Variants in PAK4 observed in about 807,000 individuals in gnomAD.
PAK4 encodes p21 (RAC1) activated kinase 4.
In PAK4, 49 loss-of-function variants were observed where a neutral mutation model predicts 53.5. That is an observed-to-expected ratio of 0.92 (90% CI 0.73 to 1.16). The LOEUF (loss-of-function observed/expected upper bound fraction) is 1.16. Among genes scored for constraint, PAK4 ranks in the 50% most tolerant of loss-of-function variants. PAK4 has a pLI of 0.00. For synonymous variants in PAK4, 376 were observed against 375.6 expected (o/e 1.00, Z -0.01); for missense variants, 824 against 850.7 (o/e 0.97, Z 0.39).
At position 39,175,208 on chromosome 19, in the gene PAK4, GT is replaced by G; in HGVS notation, c.1233-103del. Reference sequence around the variant, plus strand: ...TCCATTCCTCCCACTCCAGAGTGGGGTCGAGTGGTCTCAGATTCCTCCCACT... The same window carrying G: ...TCCATTCCTCCCACTCCAGAGTGGGGCGAGTGGTCTCAGATTCCTCCCACT... On this transcript the variant is annotated intron_variant, in intron 5 of 8. Coordinates refer to ENST00000358301, the Ensembl canonical transcript of PAK4. The surrounding 1 kb of genome is among the most constrained non-coding windows in gnomAD (Gnocchi z 4.7). 6.8e-7 allele frequency: 1 copy of G among 1,464,960 alleles called. No individual in the cohort carries two copies. The allele number at this position is 1,464,960 out of a possible 1,614,324, so 90.7% of individuals were successfully genotyped here.
downstream of PAK4, chr19:39,182,279 C>T (rs2074707011): frequency 6.6e-6 from 1 of 152,224 alleles, no homozygotes; most frequent in African/African-American, 2.4e-5. Flanking sequence ...GAGGTTTTGC[C>T]ATTGCTTCAC....
At chr19:39,154,719 C>T (rs956109979) in intron 1 of PAK4, among the ~76,000 whole-genome samples, 21 of 152,304 alleles carry the variant, frequency 1.4e-4, no homozygotes, top group East Asian at 3.9e-4. Flanking sequence ...ATCCACTCCC[C>T]GCCAGAGCCC....
chr19:39,171,011 A>T (rs2074468414), intron 2 of PAK4, among the ~76,000 whole-genome samples: 2 of 152,066 alleles, frequency 1.3e-5, no homozygotes, highest in Admixed American at 1.3e-4. Flanking sequence ...GCCCCCACCA[A>T]GGTGTCTCCA....
intron 1 of PAK4, among the ~76,000 whole-genome samples, chr19:39,132,800 A>T (rs1185127354): frequency 6.6e-6 from 1 of 151,266 alleles, no homozygotes; most frequent in African/African-American, 2.4e-5. Flanking sequence ...GGGTTTCCTC[A>T]CTCCCTTGCT....
At chr19:39,133,777 T>C (rs1162511970) in intron 1 of PAK4, among the ~76,000 whole-genome samples, 3 of 152,156 alleles carry the variant, frequency 2.0e-5, no homozygotes, top group East Asian at 3.8e-4. Flanking sequence ...TAAAGCAGCA[T>C]TGTGCAGCGG....
Position 39,173,479 on chromosome 19 carries a change from C to T in PAK4, c.664-97C>T. ...ACCACCGTGCATCTCATCCTGACCACCCATGTGTCTGTCCCATCGCTGGGT... is the reference window on the plus strand; with the variant it reads ...ACCACCGTGCATCTCATCCTGACCATCCATGTGTCTGTCCCATCGCTGGGT... On this transcript the variant is annotated intron_variant, in intron 3 of 8. Coordinates refer to ENST00000358301, the Ensembl canonical transcript of PAK4. This position sits in a 1 kb window ranked among gnomAD's most constrained non-coding sequence, Gnocchi z 6.9. The T allele has an allele frequency of 7.4e-7, 1 of 1,342,502 alleles. No homozygotes were observed. 83.2% of individuals were successfully genotyped at this position (1,342,502 alleles called of 1,614,324 possible).
chr19:39,146,187 T>C (rs1184889565), intron 1 of PAK4, among the ~76,000 whole-genome samples: 1 of 152,220 alleles, frequency 6.6e-6, no homozygotes, highest in East Asian at 1.9e-4. Context: ...CCTGCCTTCA[T>C]GGAGCTTATA....
exon 7 of PAK4, chr19:39,176,652 G>T: frequency 6.2e-7 from 1 of 1,613,600 alleles, no homozygotes. Context: ...GAAGGAAGTC[G>T]CTGGTCGGCA....
At chr19:39,129,285 G>T (rs1300626538) in intron 1 of PAK4, among the ~76,000 whole-genome samples, 1 of 151,758 alleles carries the variant, frequency 6.6e-6, no homozygotes, top group African/African-American at 2.4e-5. Context: ...TGTTTTTCCT[G>T]ATGGTGTTTC....
intron 1 of PAK4, among the ~76,000 whole-genome samples, chr19:39,153,997 A>T (rs2074135833): frequency 6.6e-6 from 1 of 152,078 alleles, no homozygotes; most frequent in Non-Finnish European, 1.5e-5. Context: ...AAGTCCGAGG[A>T]TGGAGTATTG....
Position 39,173,549 on chromosome 19 carries a change from C to CT in PAK4, c.664-26dup, listed in dbSNP as rs776938479. The CT allele has an allele frequency of 8.2e-5, 123 of 1,505,546 alleles. No homozygotes were observed. The highest frequency in any genetic ancestry group is 9.7e-5 in the Non-Finnish European group (109 of 1,124,092). 93.3% of individuals were successfully genotyped at this position (1,505,546 alleles called of 1,614,324 possible). A position where few individuals can be genotyped will look rare whatever the true frequency, so the allele number is the denominator to read the frequency against. ...CAGAGCTGCTCCCTGGCACCCATCA[C>CT]TGACAGCTACCTCTCTTCTGTTTCA... On this transcript the variant is annotated intron_variant, in intron 3 of 8. Coordinates refer to ENST00000358301, the Ensembl canonical transcript of PAK4. This position sits in a 1 kb window ranked among gnomAD's most constrained non-coding sequence, Gnocchi z 6.9.
chr19:39,173,299 G>A lies in PAK4; in HGVS notation c.586G>A (p.Gly196Arg). Residue 196 changes from glycine (G) to arginine (R), a missense_variant, in exon 3 of 9, where the codon GGG becomes AGG. Gly to Arg is a moderately radical substitution (Grantham distance 125). This residue lies in a region of PAK4 where 478 missense variants were observed against 435.8 expected (regional missense o/e 1.10). Transcript: ENST00000358301. This position sits in a 1 kb window ranked among gnomAD's most constrained non-coding sequence, Gnocchi z 6.9. ...CCCCCAGCCTGCTGGTCTGGCCAGT[G>A]GGGCGAAACTGGCAGCTGGCCGGCC... is the stretch of plus-strand genomic sequence containing the variant. 6.2e-7 allele frequency: 1 copy of A among 1,602,126 alleles called. No individual in the cohort carries two copies. The highest frequency in any genetic ancestry group is 8.5e-7 in the Non-Finnish European group (1 of 1,174,272).
chr19:39,164,991 T>C (rs1025543255), intron 1 of PAK4, among the ~76,000 whole-genome samples: 14 of 151,522 alleles, frequency 9.2e-5, no homozygotes, highest in East Asian at 2.0e-4. Flanking sequence ...TGTACAGCCA[T>C]TGGGGAGGTG....
At chr19:39,158,825 C>T (rs2074237325) in intron 1 of PAK4, among the ~76,000 whole-genome samples, 1 of 152,188 alleles carries the variant, frequency 6.6e-6, no homozygotes, top group Non-Finnish European at 1.5e-5. Context: ...CAGACAATAA[C>T]AGCCCATCAG....
At chr19:39,129,282 C>T (rs2073654670) in intron 1 of PAK4, among the ~76,000 whole-genome samples, 1 of 151,648 alleles carries the variant, frequency 6.6e-6, no homozygotes, top group South Asian at 2.1e-4. Context: ...ATTTGTTTTT[C>T]CTGATGGTGT....
exon 7 of PAK4, chr19:39,176,619 C>G (rs2074610201): frequency 6.2e-7 from 1 of 1,613,738 alleles, no homozygotes; most frequent in Non-Finnish European, 8.5e-7. Flanking sequence ...GGTTCTGCGC[C>G]CAGGTGAGCA....
intron 2 of PAK4, 127 bp downstream of exon 3, chr19:39,169,884 C>G (rs2074446046): frequency 4.3e-6 from 3 of 697,426 alleles, no homozygotes; most frequent in Admixed American, 2.6e-5. Flanking sequence ...CAAACCCCAG[C>G]CTTCCACCCC....
chr19:39,164,370 G>A (rs184636244), intron 1 of PAK4, among the ~76,000 whole-genome samples: 9 of 152,226 alleles, frequency 5.9e-5, no homozygotes, highest in African/African-American at 2.2e-4. Flanking sequence ...GCAGAGACAG[G>A]TGTAGAGGGC....
exon 8 of PAK4, chr19:39,177,726 C>A (rs1294683115): frequency 6.2e-7 from 1 of 1,613,412 alleles, no homozygotes; most frequent in South Asian, 1.1e-5. Flanking sequence ...GGACGGAGAG[C>A]CCCCCTACTT....
Sources: gnomAD v4.1 joint callset for allele counts (sites outside exome capture counted in the v4.1 genomes callset) on GRCh38, gnomAD v4.1.1 for gene constraint, gnomAD v4.1.1 regional missense constraint, Gnocchi (gnomAD v3.1) non-coding constraint, MANE v1.5 for transcripts, NCBI Gene and HGNC (gene_info 2026-07-23, HGNC 2026-07-21) for gene names.